P3H2: variants seen among roughly 807,000 people sequenced by gnomAD.
P3H2 encodes the protein leprecan-like 1.
P3H2 carries 80 observed loss-of-function variants against 87.0 expected under a neutral mutation model. The ratio of observed to expected loss-of-function variants is 0.92; its 90% CI spans 0.77 to 1.11. The LOEUF is 1.11. Ranked by LOEUF, P3H2 falls within the 50% of genes least tolerant of loss-of-function variation. P3H2 has a pLI of 0.00. For missense variants in P3H2, 1,001 were observed against 923.9 expected (o/e 1.08, Z -1.08); for synonymous variants, 367 against 359.3 (o/e 1.02, Z -0.24).
At chr3:190,010,734 C>A (rs1426619286) in intron 1 of P3H2, among the ~76,000 whole-genome samples, 1 of 152,178 alleles carries the variant, frequency 6.6e-6, no homozygotes, top group African/African-American at 2.4e-5. Flanking sequence ...GCTGCCCTAG[C>A]AAACTAATAT....
chr3:190,094,889 C>A (rs984475963), intron 1 of P3H2, among the ~76,000 whole-genome samples: 2 of 152,048 alleles, frequency 1.3e-5, no homozygotes, highest in African/African-American at 4.8e-5. Flanking sequence ...ATGACTAGAA[C>A]AATTATTCAG....
chr3:189,970,191 A>ATATATATATATATATATAT (rs1723130514), intron 13 of P3H2, among the ~76,000 whole-genome samples: 1 of 53,980 alleles, frequency 1.9e-5, no homozygotes. Flanking sequence ...TATATATGCA[A>ATATATATATATATATATAT]ATATATATAT....
chr3:190,095,735 G>A (rs375818979), intron 1 of P3H2, among the ~76,000 whole-genome samples: 3 of 151,742 alleles, frequency 2.0e-5, no homozygotes, highest in East Asian at 1.9e-4. Context: ...CGAGTAGCTG[G>A]GACTACAGGC....
chr3:189,985,414 G>C lies in P3H2; in HGVS notation c.1189-824C>G, dbSNP rs9878808. Among the ~76,000 whole-genome samples the C allele has an allele frequency of 8.0e-3, 1,213 of 151,236 alleles. 14 individuals carry two copies. The highest frequency in any genetic ancestry group is 0.028 in the African/African-American group (1,177 of 41,376). On this transcript the variant is annotated intron_variant, in intron 6 of 14. Transcript: ENST00000319332. ...TGATTTTCAAATGTTATTTCTTATC[G>C]CTGATAAATTTGTGGTAAAATGGTA...
In P3H2 at chr3:189,987,523, T is replaced by C. The variant is rs774322314; in HGVS notation, c.1098+4A>G. On this transcript the variant is annotated splice_donor_region_variant and intron_variant, in intron 5 of 14. Transcript: ENST00000319332. The stretch of plus-strand genomic sequence containing the variant: ...AGAATTTCTTTTCAAAACATTGGTC[T>C]CACCTCTCTGGCCTCAATGGATGCC... 14 of 1,608,858 alleles carry C rather than the reference T, an allele frequency of 8.7e-6. No homozygotes were observed. Among genetic ancestry groups the C allele is most frequent in the Non-Finnish European group, 1.1e-5 (13 of 1,175,828 alleles).
chr3:190,023,991 G>A (rs559417516), intron 1 of P3H2, among the ~76,000 whole-genome samples: 108 of 152,170 alleles, frequency 7.1e-4, no homozygotes, highest in Middle Eastern at 3.4e-3. Context: ...TTAGGGTCCC[G>A]TTTCATCATC....
rs1485452806 is a variant in P3H2, at chr3:189,968,756, G to A, written c.1893+2060C>T. The stretch of plus-strand genomic sequence containing the variant: ...TTTCTCCACATCCTCTCCAGCATCT[G>A]TTGTTTCCTGACTTTTTAATGATCG... On this transcript the variant is annotated intron_variant, in intron 13 of 14. Transcript: ENST00000319332. Among the ~76,000 whole-genome samples the A allele has an allele frequency of 2.0e-5, 3 of 152,158 alleles. No individual in the cohort carries two copies. In the East Asian group the frequency reaches 5.8e-4, roughly 29 times the overall value.
At chr3:190,038,234 TAA>T (rs140978961) in intron 1 of P3H2, among the ~76,000 whole-genome samples, 3,047 of 132,078 alleles carry the variant, frequency 0.023, 56 homozygotes, top group Middle Eastern at 0.096. Context: ...AGACTAGGTT[TAA>T]AAAAAAAAAA....
In P3H2 at chr3:189,959,749, A is replaced by C. The variant is rs993843225; in HGVS notation, c.2035-1745T>G. Among the ~76,000 whole-genome samples the C allele has an allele frequency of 5.3e-5, 8 of 151,968 alleles. No individual in the cohort carries two copies. In the East Asian group the frequency reaches 1.4e-3, roughly 26 times the overall value. ...TGCAGCTGGTCTACCTCCAAATTGT[A>C]TCTCAAATCTTCCATCTCTTTTTAC... On this transcript the variant is annotated intron_variant, in intron 14 of 14. Coordinates refer to ENST00000319332, the MANE Select transcript of P3H2 (RefSeq NM_018192.4).
chr3:189,965,404 G>C (rs1370678198), intron 13 of P3H2, among the ~76,000 whole-genome samples: 1 of 152,150 alleles, frequency 6.6e-6, no homozygotes, highest in East Asian at 1.9e-4. Flanking sequence ...CTGCATGTGT[G>C]TGTATATGTG....
chr3:189,993,246 C>T (rs1278513331), intron 3 of P3H2, among the ~76,000 whole-genome samples: 2 of 150,346 alleles, frequency 1.3e-5, no homozygotes, highest in African/African-American at 4.9e-5. Flanking sequence ...TGCTTGAATC[C>T]GGGAGGCAGA....
In P3H2 at chr3:189,987,623, T is replaced by C. The variant is rs367777836; in HGVS notation, c.1002A>G (p.Leu334=). ...GGACATCCTCATCATCTGGATGGCATAGAAGATAGGCTTTGGCACACTCCA... is the reference window on the plus strand; with the variant it reads ...GGACATCCTCATCATCTGGATGGCACAGAAGATAGGCTTTGGCACACTCCA... ...KALECAKAYL[L]CHPDDEDVLD... is the part of the protein sequence containing the mutation. The change falls in exon 5 of 15, where the codon CTA becomes CTG. Residue 334 remains leucine, a synonymous_variant. Transcript: ENST00000319332. 270 of 1,614,018 alleles carry C rather than the reference T, an allele frequency of 1.7e-4. No individual in the cohort carries two copies. The highest frequency in any genetic ancestry group is 2.1e-4 in the Non-Finnish European group (248 of 1,180,042).
At chr3:189,984,239 TA>T (rs1723621579) in intron 7 of P3H2, among the ~76,000 whole-genome samples, 1 of 152,164 alleles carries the variant, frequency 6.6e-6, no homozygotes, top group South Asian at 2.1e-4. Context: ...TTTCTGTTAA[TA>T]AATCAAAACC....
intron 1 of P3H2, among the ~76,000 whole-genome samples, chr3:190,118,253 C>T (rs1577332901): frequency 1.3e-5 from 2 of 152,030 alleles, no homozygotes; most frequent in South Asian, 2.1e-4. Context: ...TAGGACTGAC[C>T]TTGACTATGT....
chr3:189,968,981 T>C (rs909815365), intron 13 of P3H2: 1 of 188,126 alleles, frequency 5.3e-6, no homozygotes, highest in East Asian at 1.4e-4. Context: ...AAGTTCTCTG[T>C]AGATTCTAGA....
intron 1 of P3H2, among the ~76,000 whole-genome samples, chr3:190,027,975 A>G (rs554951770): frequency 3.9e-5 from 6 of 151,982 alleles, no homozygotes; most frequent in Non-Finnish European, 8.8e-5. Context: ...CGCAAAAAAA[A>G]AAAAAATAAA....
At chr3:190,091,658 T>C (rs573572273) in intron 1 of P3H2, among the ~76,000 whole-genome samples, 1 of 152,368 alleles carries the variant, frequency 6.6e-6, no homozygotes, top group South Asian at 2.1e-4. Context: ...CTGATAATTC[T>C]GAAAAGAATG....
intron 1 of P3H2, among the ~76,000 whole-genome samples, chr3:190,013,975 T>C (rs776008090): frequency 4.0e-4 from 61 of 152,162 alleles, no homozygotes; most frequent in Admixed American, 8.5e-4. Flanking sequence ...TTGATATTTT[T>C]CCTGAAGAAA....
At chr3:190,034,437 G>A (rs1368758243) in intron 1 of P3H2, among the ~76,000 whole-genome samples, 1 of 152,162 alleles carries the variant, frequency 6.6e-6, no homozygotes, top group African/African-American at 2.4e-5. Flanking sequence ...CTGCAGTATT[G>A]CACAGTTTCA....
Sources: gnomAD v4.1 joint callset for allele counts (sites outside exome capture counted in the v4.1 genomes callset) on GRCh38, gnomAD v4.1.1 for gene constraint, MANE v1.5 for transcripts, NCBI Gene and HGNC (gene_info 2026-07-23, HGNC 2026-07-21) for gene names.